BTG4: variants seen among roughly 807,000 people sequenced by gnomAD.
BTG4 encodes BTG anti-proliferation factor 4, also known as protein BTG4.
Under a neutral mutation model 19.3 loss-of-function variants are expected in BTG4, and 10 were observed. That is an observed-to-expected ratio of 0.52 (90% CI 0.32 to 0.88). The LOEUF (loss-of-function observed/expected upper bound fraction) is 0.88. Ranked by LOEUF, BTG4 falls within the 40% of genes least tolerant of loss-of-function variation. The pLI is 0.04. For synonymous variants in BTG4, 91 were observed against 95.7 expected (o/e 0.95, Z 0.29); for missense variants, 238 against 281.9 (o/e 0.84, Z 1.11).
At chr11:111,490,117 CA>C (rs149540718), downstream of BTG4, among the ~76,000 whole-genome samples, 68 of 135,418 alleles carry the variant, frequency 5.0e-4, no homozygotes, top group African/African-American at 1.6e-3. Context: ...ACTAAAAATA[CA>C]AAAAAAAAAA....
intron 5 of BTG4, among the ~76,000 whole-genome samples, chr11:111,472,357 G>A (rs573381186): frequency 6.6e-6 from 1 of 152,338 alleles, no homozygotes; most frequent in Admixed American, 6.5e-5. Flanking sequence ...CTAGGGCAGT[G>A]TTTCTCACCC....
chr11:111,494,985 T>G lies in BTG4; in HGVS notation c.*150A>C, dbSNP rs773616898. 8.1e-6 allele frequency: 8 copies of G among 985,324 alleles called. No homozygotes were observed. Among genetic ancestry groups the G allele is most frequent in the Non-Finnish European group, 9.6e-6 (8 of 829,858 alleles). The allele number at this position is 985,324 out of a possible 1,614,324, so 61.0% of individuals were successfully genotyped here. A position where few individuals can be genotyped will look rare whatever the true frequency, so the allele number is the denominator to read the frequency against. ...AAAGTACAGCTAAGAACAGTGATGA[T>G]CTGTATGAGAGGATTTACCATTGTG... On this transcript the variant is annotated 3_prime_UTR_variant, in exon 5 of 5. Coordinates refer to ENST00000692032, the MANE Select transcript of BTG4 (RefSeq NM_001367975.1).
chr11:111,514,398 G>T (rs575059395), upstream of BTG4: 10 of 266,796 alleles, frequency 3.7e-5, no homozygotes, highest in East Asian at 8.7e-4. Flanking sequence ...GCTGTCCCTG[G>T]CAATCTGGTT....
chr11:111,495,704 C>T (rs1865682053), intron 4 of BTG4, among the ~76,000 whole-genome samples: 1 of 152,156 alleles, frequency 6.6e-6, no homozygotes, highest in South Asian at 2.1e-4. Flanking sequence ...TTACAGATCA[C>T]ACTTTGAAAA....
At chr11:111,394,523 C>A in the BTG4 span, among the ~76,000 whole-genome samples, 1 of 152,206 alleles carries the variant, frequency 6.6e-6, no homozygotes, top group African/African-American at 2.4e-5. Context: ...TGTGAGACCC[C>A]CCCACCAGCC....
chr11:111,509,303 G>T (rs891915994), intron 1 of BTG4, among the ~76,000 whole-genome samples: 4 of 152,016 alleles, frequency 2.6e-5, no homozygotes, highest in Non-Finnish European at 4.4e-5. Flanking sequence ...CTAGTTTCTA[G>T]GTATACTATC....
chr11:111,502,856 A>G (rs1326248639), intron 1 of BTG4, among the ~76,000 whole-genome samples: 1 of 152,242 alleles, frequency 6.6e-6, no homozygotes, highest in Non-Finnish European at 1.5e-5. Context: ...AGAACAGTAG[A>G]ATAACAATGT....
chr11:111,500,679 CT>C (rs71303204), intron 1 of BTG4, among the ~76,000 whole-genome samples: 10,791 of 150,072 alleles, frequency 0.072, 736 homozygotes, highest in African/African-American at 0.17. Flanking sequence ...GAGTAATCCT[CT>C]TTTTTTTTTC....
upstream of BTG4, chr11:111,513,617 C>A: frequency 5.1e-6 from 2 of 394,072 alleles, no homozygotes; most frequent in African/African-American, 2.1e-5. Context: ...AATTGCTCAG[C>A]CAAAAGAAAA....
At chr11:111,401,053 T>TAAAAAAAA in the BTG4 span, 11 of 82,156 alleles carry the variant, frequency 1.3e-4, 1 homozygote, top group African/African-American at 5.0e-4. Context: ...ACCTGGAGCA[T>TAAAAAAAA]AAAAAAAAAA....
chr11:111,416,566 T>G, the BTG4 span: 1 of 152,118 alleles, frequency 6.6e-6, no homozygotes, highest in Non-Finnish European at 1.5e-5. Context: ...ACACCTTGGC[T>G]CTCACTCGTT....
the BTG4 span, among the ~76,000 whole-genome samples, chr11:111,421,479 G>A: frequency 2.6e-5 from 4 of 152,184 alleles, no homozygotes; most frequent in East Asian, 1.9e-4. Flanking sequence ...TGTGTTTCCC[G>A]AAGGGCAGGA....
the BTG4 span, chr11:111,397,964 T>G: frequency 6.6e-6 from 1 of 152,186 alleles, no homozygotes; most frequent in African/African-American, 2.4e-5. Flanking sequence ...TTCTCTTAAA[T>G]AAAATCATTA....
At chr11:111,439,293 G>C in the BTG4 span, among the ~76,000 whole-genome samples, 2 of 152,212 alleles carry the variant, frequency 1.3e-5, no homozygotes, top group East Asian at 3.8e-4. Context: ...TGGAGGCTTT[G>C]CCCAGCGCAT....
chr11:111,444,891 G>A, the BTG4 span, among the ~76,000 whole-genome samples: 1 of 152,134 alleles, frequency 6.6e-6, no homozygotes, highest in African/African-American at 2.4e-5. Flanking sequence ...GTGAGAGGCA[G>A]GGGAGTGGTC....
downstream of BTG4, among the ~76,000 whole-genome samples, chr11:111,494,299 A>G (rs1865589893): frequency 6.6e-6 from 1 of 152,192 alleles, no homozygotes; most frequent in African/African-American, 2.4e-5. Flanking sequence ...AACAGCAAGG[A>G]CCTGGCTGAG....
At chr11:111,498,275 C>A in intron 2 of BTG4, 140 bp from the exon 3 acceptor site, 1 of 900,060 alleles carries the variant, frequency 1.1e-6, no homozygotes, top group Non-Finnish European at 1.7e-6. Flanking sequence ...CTCCACCCTC[C>A]ACTCTTACAA....
At chr11:111,414,776 C>CACAGGGCAAGATCAG in the BTG4 span, 1 of 152,364 alleles carries the variant, frequency 6.6e-6, no homozygotes, top group South Asian at 2.1e-4. Flanking sequence ...CTCCTCTGAG[C>CACAGGGCAAGATCAG]TTCCCTTTCT....
chr11:111,459,239 C>CA, the BTG4 span, among the ~76,000 whole-genome samples: 4,811 of 140,056 alleles, frequency 0.034, 232 homozygotes, highest in African/African-American at 0.11. Flanking sequence ...GATTCCGTCT[C>CA]AAAAAAAAAA....
Sources: gnomAD v4.1 joint callset for allele counts (sites outside exome capture counted in the v4.1 genomes callset) on GRCh38, gnomAD v4.1.1 for gene constraint, MANE v1.5 for transcripts, NCBI Gene and HGNC (gene_info 2026-07-23, HGNC 2026-07-21) for gene names.